Variants in TNS3 observed in about 807,000 individuals in gnomAD.
TNS3 encodes the protein tensin-3.
TNS3 carries 45 observed loss-of-function variants against 140.9 expected under a neutral mutation model. The ratio of observed to expected loss-of-function variants is 0.32; its 90% CI spans 0.25 to 0.41. The LOEUF (loss-of-function observed/expected upper bound fraction) is 0.41. Ranked by LOEUF, TNS3 falls within the 10% of genes least tolerant of loss-of-function variation. The pLI is 1.00. For synonymous variants in TNS3, 815 were observed against 788.4 expected (o/e 1.03, Z -0.56); for missense variants, 1,716 against 1,906.7 (o/e 0.90, Z 1.86).
intron 3 of TNS3, among the ~76,000 whole-genome samples, chr7:47,484,739 A>G (rs952666941): frequency 6.6e-6 from 1 of 152,138 alleles, no homozygotes; most frequent in Admixed American, 6.5e-5. Context: ...TCTCCTGTGG[A>G]TGGAGCCAGG....
intron 1 of TNS3, among the ~76,000 whole-genome samples, chr7:47,567,334 G>T (rs1002390521): frequency 6.6e-6 from 1 of 152,160 alleles, no homozygotes; most frequent in Admixed American, 6.5e-5. Context: ...GCATTTCTAT[G>T]TACTAGTAAT....
At chr7:47,506,308 C>G (rs138934388) in intron 3 of TNS3, among the ~76,000 whole-genome samples, 1 of 152,150 alleles carries the variant, frequency 6.6e-6, no homozygotes, top group Non-Finnish European at 1.5e-5. Context: ...ACTTCCCACA[C>G]GGCACTTCCA....
intron 1 of TNS3, among the ~76,000 whole-genome samples, chr7:47,575,753 G>C (rs1800659299): frequency 1.3e-5 from 2 of 149,542 alleles, no homozygotes; most frequent in African/African-American, 5.0e-5. Flanking sequence ...AACCCGGGAG[G>C]CAGATCTTGC....
At chr7:47,504,859 C>T (rs1282829052) in intron 3 of TNS3, among the ~76,000 whole-genome samples, 1 of 152,128 alleles carries the variant, frequency 6.6e-6, no homozygotes, top group Admixed American at 6.5e-5. Context: ...AAAATGAACA[C>T]GGATATATTT....
At chr7:47,400,958 G>C in intron 13 of TNS3, 44 bp from the exon 14 acceptor site, 1 of 1,610,664 alleles carries the variant, frequency 6.2e-7, no homozygotes, top group Non-Finnish European at 8.5e-7. Context: ...TGCAGCGGGG[G>C]ACACACGTTC....
At position 47,407,325 on chromosome 7, in the gene TNS3, C is replaced by T. The variant is rs1018344161; in HGVS notation, c.723+4402G>A. ...ACCTAACCTTTAGCTCTTGCCGCCG[C>T]GCACCTTCTGCCATGCTCAGTTCCA... On this transcript the variant is annotated intron_variant, in intron 13 of 30. Transcript: ENST00000311160. The surrounding 1 kb of genome is among the most constrained non-coding windows in gnomAD (Gnocchi z 4.1). Among the ~76,000 whole-genome samples, 1 of 152,202 alleles carries T rather than the reference C, an allele frequency of 6.6e-6. No homozygotes were observed. Among genetic ancestry groups the T allele is most frequent in the Admixed American group, 6.5e-5 (1 of 15,284 alleles).
chr7:47,359,567 A>G (rs1357246035), intron 17 of TNS3, among the ~76,000 whole-genome samples: 1 of 152,246 alleles, frequency 6.6e-6, no homozygotes, highest in Non-Finnish European at 1.5e-5. Context: ...GTATTTCACC[A>G]CAATAAAAAA....
At chr7:47,420,929 T>G (rs1794342060) in intron 10 of TNS3, among the ~76,000 whole-genome samples, 1 of 152,230 alleles carries the variant, frequency 6.6e-6, no homozygotes, top group Non-Finnish European at 1.5e-5. Context: ...CATCCTGATT[T>G]CTGTATGCCA....
intron 3 of TNS3, among the ~76,000 whole-genome samples, chr7:47,483,318 C>T (rs1797494196): frequency 1.3e-5 from 2 of 151,952 alleles, no homozygotes; most frequent in African/African-American, 4.8e-5. Flanking sequence ...TACAGGCGCC[C>T]GCCACCACGC....
At chr7:47,529,484 A>C (rs1799317216) in intron 1 of TNS3, among the ~76,000 whole-genome samples, 1 of 152,220 alleles carries the variant, frequency 6.6e-6, no homozygotes, top group African/African-American at 2.4e-5. Flanking sequence ...AGAGCCACCT[A>C]CTTCTGTGAC....
intron 1 of TNS3, among the ~76,000 whole-genome samples, chr7:47,540,399 A>G (rs1042932476): frequency 6.6e-6 from 1 of 152,180 alleles, no homozygotes; most frequent in Non-Finnish European, 1.5e-5. Flanking sequence ...AACTAGGGAC[A>G]TGAGCCCCTC....
At chr7:47,408,334 C>A (rs1187370136) in intron 13 of TNS3, among the ~76,000 whole-genome samples, 8 of 152,166 alleles carry the variant, frequency 5.3e-5, no homozygotes, top group Admixed American at 4.6e-4. Flanking sequence ...ACCGCCCACT[C>A]AAAGCCTCAT....
At chr7:47,437,808 TATATATACAC>T (rs1355673707) in intron 6 of TNS3, among the ~76,000 whole-genome samples, 1 of 144,552 alleles carries the variant, frequency 6.9e-6, no homozygotes, top group Admixed American at 6.9e-5. Flanking sequence ...TAATATAAAA[TATATATACAC>T]ATATATATAA....
chr7:47,278,283 T>G, intron 30 of TNS3, 63 bp from the exon 31 acceptor site: 1 of 1,550,644 alleles, frequency 6.4e-7, no homozygotes, highest in African/African-American at 1.4e-5. Context: ...TTCTACTTCC[T>G]CCAGCTGCCA....
intron 1 of TNS3, among the ~76,000 whole-genome samples, chr7:47,561,489 AG>A (rs1800319076): frequency 6.6e-6 from 1 of 152,104 alleles, no homozygotes; most frequent in African/African-American, 2.4e-5. Context: ...TAAATCGCTT[AG>A]ATACCAAAAA....
At chr7:47,333,422 T>C (rs2150929202) in intron 20 of TNS3, among the ~76,000 whole-genome samples, 1 of 152,326 alleles carries the variant, frequency 6.6e-6, no homozygotes, top group East Asian at 1.9e-4. Context: ...TCTATTCCTA[T>C]GCACACTTAC....
intron 4 of TNS3, among the ~76,000 whole-genome samples, chr7:47,461,966 G>A (rs188572117): frequency 6.6e-6 from 1 of 152,280 alleles, no homozygotes; most frequent in Admixed American, 6.5e-5. Flanking sequence ...ACTCATTGTA[G>A]ATGTACACTA....
At position 47,304,979 on chromosome 7, in the gene TNS3, A is replaced by G. The variant is rs760443114; in HGVS notation, c.2675T>C (p.Leu892Pro). ...GREPRSCPET[L>P]THAVGMSESP... ...CTCTGACATCCCCACAGCGTGAGTG[A>G]GCGTCTCAGGGCAGCTTCGTGGTTC... The change falls in exon 21 of 31, where the codon CTC (leucine) becomes CCC (proline). Residue 892 changes from leucine (L) to proline (P), a missense_variant. Around this residue, in one of 3 missense-constraint regions of TNS3, gnomAD observed 1,163 missense variants for 1,182.1 expected, o/e 0.98. Coordinates refer to ENST00000311160, the MANE Select transcript of TNS3 (RefSeq NM_022748.12). The G allele has an allele frequency of 4.3e-5, 60 of 1,394,342 alleles. No individual in the cohort carries two copies. The highest frequency in any genetic ancestry group is 5.6e-5 in the Non-Finnish European group (59 of 1,061,026). The allele number at this position is 1,394,342 out of a possible 1,614,324, so 86.4% of individuals were successfully genotyped here.
chr7:47,428,534 C>G (rs1446266701), intron 8 of TNS3, among the ~76,000 whole-genome samples, 158 bp from the exon 9 acceptor site: 1 of 152,130 alleles, frequency 6.6e-6, no homozygotes, highest in African/African-American at 2.4e-5. Context: ...AAAGTCAGTA[C>G]CCAGTGCAAC....
Sources: allele counts gnomAD v4.1 joint callset (sites outside exome capture counted in the v4.1 genomes callset), GRCh38; gene constraint gnomAD v4.1.1; regional missense constraint gnomAD v4.1.1; non-coding constraint Gnocchi (gnomAD v3.1); transcripts MANE v1.5; gene names NCBI Gene and HGNC (gene_info 2026-07-23, HGNC 2026-07-21).